DMD: variants seen among roughly 807,000 people sequenced by gnomAD.
DMD encodes dystrophin.
A neutral mutation model predicts 330.1 loss-of-function variants in DMD; 63 were observed. The ratio of observed to expected loss-of-function variants is 0.19; its 90% CI spans 0.16 to 0.24. The LOEUF is 0.24. Ranked by LOEUF, DMD falls within the 10% of genes least tolerant of loss-of-function variation. The pLI is 1.00. For synonymous variants in DMD, 1,223 were observed against 959.8 expected, an observed-to-expected ratio of 1.27 and a Z score of -5.07; for missense variants, 3,344 against 2,684.1, an observed-to-expected ratio of 1.25 and a Z score of -5.43.
At chrX:32,234,589 A>G (rs2097180863) in intron 43 of DMD, among the ~76,000 whole-genome samples, 2 of 112,065 alleles carry the variant, frequency 1.8e-5, no homozygotes, top group African/African-American at 6.5e-5. Flanking sequence ...AAAAATTACA[A>G]GTGATATCTA....
At chrX:33,000,401 G>C (rs1228415732) in intron 2 of DMD, among the ~76,000 whole-genome samples, 1 of 112,146 alleles carries the variant, frequency 8.9e-6, no homozygotes, top group African/African-American at 3.2e-5. Flanking sequence ...CACTTAGGTT[G>C]TCTGACCAAT....
At chrX:32,044,982 T>G (rs2096052449) in intron 44 of DMD, among the ~76,000 whole-genome samples, 1 of 111,583 alleles carries the variant, frequency 9.0e-6, no homozygotes, top group African/African-American at 3.3e-5. Context: ...ATTCCCAATG[T>G]TGGTGGTGGG....
At chrX:31,254,528 T>C (rs1189455332) in intron 63 of DMD, among the ~76,000 whole-genome samples, 1 of 110,458 alleles carries the variant, frequency 9.1e-6, no homozygotes, top group Non-Finnish European at 1.9e-5. Flanking sequence ...GGCTAATTTT[T>C]GTATTTTTTG....
At chrX:33,115,966 A>C (rs1262708342) in intron 1 of DMD, among the ~76,000 whole-genome samples, 1 of 105,622 alleles carries the variant, frequency 9.5e-6, no homozygotes, top group East Asian at 3.1e-4. Flanking sequence ...GGCCGAGGAC[A>C]GAGGATCACC....
intron 67 of DMD, among the ~76,000 whole-genome samples, chrX:31,200,496 G>T (rs918732049): frequency 1.8e-5 from 2 of 112,205 alleles, no homozygotes; most frequent in Non-Finnish European, 3.7e-5. Flanking sequence ...AGGATTAAAT[G>T]AGAGAATTCA....
rs772415071 is a variant in DMD, at chrX:31,879,589, G to A, written c.6913-4216C>T. 2.7e-5 allele frequency among the ~76,000 whole-genome samples: 3 copies of A among 112,075 alleles called. No individual in the cohort carries two copies. In the South Asian group the frequency reaches 1.1e-3, roughly 41 times the overall value. ...TTTAATAATGAATCATTATTATTCTGGTATAACATATCTAAAGCCATCAGT... is the reference window on the plus strand; with the variant it reads ...TTTAATAATGAATCATTATTATTCTAGTATAACATATCTAAAGCCATCAGT... On this transcript the variant is annotated intron_variant, in intron 47 of 78. Coordinates refer to ENST00000357033, the MANE Select transcript of DMD (RefSeq NM_004006.3).
At chrX:32,588,038 T>A (rs916185078) in intron 13 of DMD, among the ~76,000 whole-genome samples, 4 of 111,339 alleles carry the variant, frequency 3.6e-5, no homozygotes, top group African/African-American at 1.3e-4. Context: ...TCCTCTTAAT[T>A]ACCTTACAAC....
chrX:31,509,161 T>G (rs2071238681), intron 55 of DMD, among the ~76,000 whole-genome samples: 2 of 111,608 alleles, frequency 1.8e-5, no homozygotes, highest in South Asian at 7.6e-4. Context: ...ATAGCCTGAT[T>G]TTGAAAGTAG....
intron 60 of DMD, among the ~76,000 whole-genome samples, chrX:31,421,616 A>G (rs921836214): frequency 1.8e-5 from 2 of 110,958 alleles, no homozygotes; most frequent in African/African-American, 6.6e-5. Flanking sequence ...AATATGATGT[A>G]AACAGGCATT....
intron 76 of DMD, 41 bp from the exon 77 acceptor site, chrX:31,134,235 T>C: frequency 9.3e-7 from 1 of 1,077,572 alleles, no homozygotes; most frequent in Non-Finnish European, 1.3e-6. Flanking sequence ...ATTACATTTA[T>C]AGAAAACAGA....
intron 51 of DMD, among the ~76,000 whole-genome samples, chrX:31,742,115 T>G (rs904311913): frequency 1.8e-5 from 2 of 112,403 alleles, no homozygotes; most frequent in African/African-American, 6.5e-5. Flanking sequence ...ATTAGTCCTT[T>G]GCTTTAGATT....
intron 7 of DMD, among the ~76,000 whole-genome samples, chrX:32,781,211 C>G (rs1416152844): frequency 9.1e-6 from 1 of 110,363 alleles, no homozygotes. Flanking sequence ...AAGTCACCAC[C>G]AATAACAGGA....
intron 44 of DMD, among the ~76,000 whole-genome samples, chrX:32,044,742 C>T (rs988308012): frequency 6.3e-5 from 7 of 111,894 alleles, no homozygotes; most frequent in Admixed American, 1.9e-4. Flanking sequence ...TTATTACTAT[C>T]GTTATTACTA....
intron 11 of DMD, among the ~76,000 whole-genome samples, chrX:32,636,821 AC>A (rs1289268495): frequency 9.2e-6 from 1 of 109,126 alleles, no homozygotes; most frequent in Non-Finnish European, 1.9e-5. Context: ...ACATGGTGAA[AC>A]CCCGTCTCTA....
intron 43 of DMD, among the ~76,000 whole-genome samples, chrX:32,259,402 C>T (rs149993579): frequency 0.015 from 1,675 of 110,592 alleles, 31 homozygotes; most frequent in African/African-American, 0.052. Context: ...AATACAAATA[C>T]CCTATATTGT....
At chrX:32,763,644 G>C (rs982373382) in intron 7 of DMD, among the ~76,000 whole-genome samples, 12 of 111,901 alleles carry the variant, frequency 1.1e-4, no homozygotes, top group South Asian at 3.7e-4. Context: ...AATGACTCTA[G>C]TTCAAAGCAC....
intron 64 of DMD, among the ~76,000 whole-genome samples, chrX:31,220,504 A>G (rs1340122058): frequency 9.0e-6 from 1 of 111,461 alleles, no homozygotes; most frequent in Non-Finnish European, 1.9e-5. Context: ...AGCATGTGGC[A>G]TCATAACCTC....
intron 26 of DMD, among the ~76,000 whole-genome samples, chrX:32,449,281 G>C (rs1278620588): frequency 9.0e-6 from 1 of 110,570 alleles, no homozygotes; most frequent in African/African-American, 3.3e-5. Context: ...CATTGGAAAA[G>C]GCCACTTTGT....
At chrX:31,335,573 G>T (rs1308245925) in intron 61 of DMD, among the ~76,000 whole-genome samples, 1 of 111,822 alleles carries the variant, frequency 8.9e-6, no homozygotes, top group East Asian at 2.8e-4. Context: ...TAAGGTAAGA[G>T]ATTCATGTAA....
Sources: allele counts gnomAD v4.1 joint callset (sites outside exome capture counted in the v4.1 genomes callset), GRCh38; gene constraint gnomAD v4.1.1; transcripts MANE v1.5; gene names NCBI Gene and HGNC (gene_info 2026-07-23, HGNC 2026-07-21).